MYH7B: variants seen among roughly 807,000 people sequenced by gnomAD.
MYH7B encodes the protein myosin-7B.
In MYH7B, 205 loss-of-function variants were observed where a neutral mutation model predicts 234.5. The observed-to-expected ratio is 0.87, with a 90% CI of 0.78 to 0.98. MYH7B has a LOEUF of 0.98. MYH7B is among the 50% of genes least tolerant of loss of function. The pLI, the probability that MYH7B is intolerant of heterozygous loss-of-function variation, is 0.00. For synonymous variants in MYH7B, 1,193 were observed against 1,105.0 expected (o/e 1.08, Z -1.58); for missense variants, 2,652 against 2,633.4 (o/e 1.01, Z -0.15).
chr20:34,974,683 T>C (rs1300612886), intron 2 of MYH7B, among the ~76,000 whole-genome samples: 1 of 152,248 alleles, frequency 6.6e-6, no homozygotes, highest in Non-Finnish European at 1.5e-5. Flanking sequence ...CTTCTGAGCA[T>C]CCTTGAACAA....
In MYH7B at chr20:34,997,064, C is replaced by T. The variant is rs1351924143; in HGVS notation, c.3267-19C>T. The T allele has an allele frequency of 2.6e-6, 4 of 1,545,518 alleles. No individual in the cohort carries two copies. Among genetic ancestry groups the T allele is most frequent in the Non-Finnish European group, 3.5e-6 (4 of 1,145,396 alleles). ...TGGGAGTTAAGGCCTGTGCTGGCCA[C>T]CCACTCTGTGGCTCCCAGGAAGGAC... On this transcript the variant is annotated intron_variant, in intron 30 of 44. Coordinates refer to ENST00000262873, the Ensembl canonical transcript of MYH7B.
At chr20:34,956,942 C>A (rs970235889) in intron 1 of MYH7B, among the ~76,000 whole-genome samples, 19 of 152,218 alleles carry the variant, frequency 1.2e-4, no homozygotes, top group African/African-American at 4.3e-4. Context: ...GTAATCCCAG[C>A]TACTCGGGAG....
chr20:34,992,157 A>G (rs1019203423), intron 24 of MYH7B, among the ~76,000 whole-genome samples: 3 of 152,170 alleles, frequency 2.0e-5, no homozygotes, highest in South Asian at 2.1e-4. Flanking sequence ...AGGCCGAGGC[A>G]GGCGGATCAC....
chr20:34,981,854 G>GAAAAAAAAA (rs55752676), intron 9 of MYH7B: 1 of 65,952 alleles, frequency 1.5e-5, no homozygotes, highest in Admixed American at 1.9e-4. Flanking sequence ...TCCATCTCAC[G>GAAAAAAAAA]AAAAAAAAAA....
At chr20:34,999,646 C>A in exon 37 of MYH7B, 1 of 1,613,518 alleles carries the variant, frequency 6.2e-7, no homozygotes, top group Non-Finnish European at 8.5e-7. Context: ...ACCAAGAAGG[C>A]GCTGGAAGGC....
exon 36 of MYH7B, chr20:34,999,244 T>C (rs747633311): frequency 1.9e-6 from 3 of 1,608,240 alleles, no homozygotes; most frequent in Non-Finnish European, 2.5e-6. Flanking sequence ...GAACGGGCAC[T>C]GGAGGAACGG....
rs200324001 is a variant in MYH7B, at chr20:34,984,846, C to T, written c.649-8C>T. 1.7e-4 allele frequency: 275 copies of T among 1,612,550 alleles called. No individual in the cohort carries two copies. Among genetic ancestry groups the T allele is most frequent in the Non-Finnish European group, 2.2e-4 (263 of 1,178,766 alleles). ...AACTGACAGACCCCCTCACCCCCACCGCCCCAGGGCACCCTTGAGGATCAA... is the reference window on the plus strand; with the variant it reads ...AACTGACAGACCCCCTCACCCCCACTGCCCCAGGGCACCCTTGAGGATCAA... On this transcript the variant is annotated splice_polypyrimidine_tract_variant and splice_region_variant and intron_variant, in intron 11 of 44. Coordinates refer to ENST00000262873, the Ensembl canonical transcript of MYH7B.
At chr20:34,985,216 C>T in intron 13 of MYH7B, 87 bp downstream of exon 13, 2 of 1,271,468 alleles carry the variant, frequency 1.6e-6, no homozygotes, top group Non-Finnish European at 2.3e-6. Flanking sequence ...GACTTCTGGG[C>T]TCCTGCCTGC....
At chr20:34,956,088 C>T (rs2081630482) in intron 1 of MYH7B, 81 bp downstream of exon 1, 1 of 152,300 alleles carries the variant, frequency 6.6e-6, no homozygotes, top group Non-Finnish European at 1.5e-5. Context: ...GGGACAGTCA[C>T]TACCTCAGGG....
chr20:34,974,125 C>A (rs1223937487), intron 2 of MYH7B, among the ~76,000 whole-genome samples: 2 of 152,006 alleles, frequency 1.3e-5, no homozygotes, highest in Non-Finnish European at 1.5e-5. Flanking sequence ...CAGGGTTTCA[C>A]CATGTTGACC....
At chr20:34,970,820 A>T (rs939829221) in intron 2 of MYH7B, among the ~76,000 whole-genome samples, 3 of 152,188 alleles carry the variant, frequency 2.0e-5, no homozygotes, top group African/African-American at 7.2e-5. Context: ...GAAGGCAGAG[A>T]GTGGGACAGG....
intron 3 of MYH7B, among the ~76,000 whole-genome samples, chr20:34,976,259 T>C (rs2081853248): frequency 6.6e-6 from 1 of 152,204 alleles, no homozygotes; most frequent in African/African-American, 2.4e-5. Flanking sequence ...TGTAGATGGT[T>C]GAAAATGTAG....
At chr20:34,958,344 C>G (rs1009784707) in intron 2 of MYH7B, among the ~76,000 whole-genome samples, 132 bp downstream of exon 2, 3 of 152,304 alleles carry the variant, frequency 2.0e-5, no homozygotes, top group Middle Eastern at 3.4e-3. Flanking sequence ...TTCCAGGGAG[C>G]GTTTGCCCTT....
exon 32 of MYH7B, chr20:34,997,509 G>T (rs930013097): frequency 1.0e-5 from 16 of 1,589,646 alleles, no homozygotes. Flanking sequence ...GCAGGCGGAG[G>T]GCGCGGCGGA....
chr20:34,965,509 T>C (rs1230925540), intron 2 of MYH7B, among the ~76,000 whole-genome samples: 1 of 152,232 alleles, frequency 6.6e-6, no homozygotes, highest in African/African-American at 2.4e-5. Flanking sequence ...GTGCCTCTTC[T>C]GGGCATGCTG....
In MYH7B at chr20:34,984,637, C is replaced by T. The variant is rs757199628; in HGVS notation, c.625-55C>T. On this transcript the variant is annotated intron_variant, in intron 10 of 44. Coordinates refer to ENST00000262873, the Ensembl canonical transcript of MYH7B. ...CTCCCGCTGATACCCTGCCCCACCC[C>T]GCCCTTCCCCACCGGAGGCCTGGCC... 1.4e-5 allele frequency: 21 copies of T among 1,476,132 alleles called. 1 individual carries two copies. The highest frequency in any genetic ancestry group is 2.3e-5 in the South Asian group (2 of 85,818). The allele number at this position is 1,476,132 out of a possible 1,614,324, so 91.4% of individuals were successfully genotyped here. A position where few individuals can be genotyped will look rare whatever the true frequency, so the allele number is the denominator to read the frequency against.
At chr20:34,988,344 G>A (rs1439198724) in intron 19 of MYH7B, 82 bp downstream of exon 19, 11 of 1,476,886 alleles carry the variant, frequency 7.4e-6, no homozygotes, top group African/African-American at 4.2e-5. Flanking sequence ...TGGCTTGCAT[G>A]GAAGCCTGCA....
intron 2 of MYH7B, among the ~76,000 whole-genome samples, chr20:34,961,845 G>A (rs2081700640): frequency 6.6e-6 from 1 of 152,224 alleles, no homozygotes; most frequent in Admixed American, 6.5e-5. Flanking sequence ...TCATATGGCT[G>A]AATAGTCTTT....
rs1472247658 is a variant in MYH7B, at chr20:34,983,288, CTTTTCTTTTCTTTTT to C, written c.624+738_624+752del. ...TTTCTCTTTCTTTTTTCTTTCTTTT[CTTTTCTTTTCTTTTT>C]TTTTTTTTTTTTTTGCCTTTTCCTT... is the stretch of plus-strand genomic sequence containing the variant. On this transcript the variant is annotated intron_variant, in intron 10 of 44. Transcript: ENST00000262873. Among the ~76,000 whole-genome samples the C allele has an allele frequency of 3.3e-4, 21 of 64,086 alleles. No individual in the cohort carries two copies. In the East Asian group the frequency reaches 3.5e-3, roughly 11 times the overall value. 42.0% of individuals were successfully genotyped at this position (64,086 alleles called of 152,430 possible).
Sources: allele counts gnomAD v4.1 joint callset (sites outside exome capture counted in the v4.1 genomes callset), GRCh38; gene constraint gnomAD v4.1.1; transcripts MANE v1.5; gene names NCBI Gene and HGNC (gene_info 2026-07-23, HGNC 2026-07-21).